The following TUBD1 variants were observed in gnomAD, a reference collection of about 807,000 sequenced individuals.
TUBD1 encodes tubulin delta 1.
In TUBD1, 38 loss-of-function variants were observed where a neutral mutation model predicts 51.2. The ratio of observed to expected loss-of-function variants is 0.74; its 90% confidence interval spans 0.57 to 0.97. TUBD1 has a LOEUF of 0.97. Ranked by LOEUF, TUBD1 falls within the 50% of genes least tolerant of loss-of-function variation. The pLI is 0.00. For synonymous variants in TUBD1, 169 were observed against 178.2 expected, an observed-to-expected ratio of 0.95 and a Z score of 0.41; for missense variants, 489 against 538.4, an observed-to-expected ratio of 0.91 and a Z score of 0.91.
At chr17:59,886,302 A>AT in intron 2 of TUBD1, 72 bp from the exon 3 acceptor site, 1 of 1,407,060 alleles carries the variant, frequency 7.1e-7, no homozygotes, top group Non-Finnish European at 9.5e-7. Context: ...GGTAACTCAG[A>AT]GCATCTAAGT....
intron 6 of TUBD1, among the ~76,000 whole-genome samples, chr17:59,873,912 G>A (rs1168097019): frequency 4.6e-5 from 7 of 151,210 alleles, no homozygotes; most frequent in East Asian, 2.0e-4. Context: ...ATAATTGGCC[G>A]GGCACGGTGG....
At chr17:59,875,721 G>A (rs1299514) in intron 5 of TUBD1, among the ~76,000 whole-genome samples, 28,623 of 151,038 alleles carry the variant, frequency 0.19, 2,907 homozygotes, top group East Asian at 0.38. Flanking sequence ...ACTCCAGCCT[G>A]GGCGACAAAG....
intron 2 of TUBD1, among the ~76,000 whole-genome samples, chr17:59,889,990 G>C (rs936400441): frequency 8.8e-5 from 13 of 147,534 alleles, no homozygotes; most frequent in African/African-American, 3.0e-4. Context: ...AAAAAAAAGA[G>C]AGACAGAGAA....
At chr17:59,864,156 A>G (rs2039592082) in intron 7 of TUBD1, among the ~76,000 whole-genome samples, 1 of 150,752 alleles carries the variant, frequency 6.6e-6, no homozygotes, top group African/African-American at 2.5e-5. Context: ...AATTATTACT[A>G]ATTTTTTTTT....
rs1293455931 is a variant in TUBD1 at position 59,888,607 on chromosome 17, C to T, written c.172+2224G>A. On this transcript the variant is annotated intron_variant, in intron 2 of 8. Transcript: ENST00000325752. Reference sequence around the variant, plus strand: ...TCACAGGTGTAATAAATGTAGCAAACTATGACAGTGAAGTTGCCCAGAGAG... The same window carrying T: ...TCACAGGTGTAATAAATGTAGCAAATTATGACAGTGAAGTTGCCCAGAGAG... Among the ~76,000 whole-genome samples the T allele has an allele frequency of 2.0e-5, 3 of 152,082 alleles. No homozygotes were observed. In the East Asian group the frequency reaches 5.8e-4, roughly 29 times the overall value.
At chr17:59,879,223 G>A (rs1320037111) in intron 4 of TUBD1, among the ~76,000 whole-genome samples, 1 of 146,940 alleles carries the variant, frequency 6.8e-6, no homozygotes, top group East Asian at 2.0e-4. Flanking sequence ...AGCCAAGATC[G>A]TGCCATTGCA....
intron 5 of TUBD1, among the ~76,000 whole-genome samples, chr17:59,875,587 C>G (rs1280731094): frequency 1.3e-5 from 2 of 151,562 alleles, no homozygotes; most frequent in South Asian, 2.1e-4. Flanking sequence ...AATAGAAACA[C>G]TGTTTCTATT....
At chr17:59,875,564 T>C (rs2040188408) in intron 5 of TUBD1, among the ~76,000 whole-genome samples, 1 of 151,270 alleles carries the variant, frequency 6.6e-6, no homozygotes, top group South Asian at 2.1e-4. Context: ...CTGGCCAACA[T>C]GGTCTTGGTC....
At chr17:59,891,078 ATTACT>A in intron 1 of TUBD1, 37 bp from the exon 2 acceptor site, 2 of 1,091,540 alleles carry the variant, frequency 1.8e-6, no homozygotes, top group Non-Finnish European at 2.7e-6. Context: ...GAACCACTAC[ATTACT>A]AATAAGAACA....
chr17:59,880,907 T>C lies in TUBD1; in HGVS notation c.524A>G (p.Tyr175Cys), dbSNP rs2040455155. 3 of 1,613,922 alleles carry C rather than the reference T, an allele frequency of 1.9e-6. No homozygotes were observed. In the African/African-American group the frequency reaches 4.0e-5, roughly 22 times the overall value. ...SLKMNQIIWP[Y>C]GTGEVIVQNY... ...ACATGTCCATACCTCACCAGTTCCA[T>C]AAGGCCAAATAATCTGATTCATTTT... Residue 175 changes from tyrosine (Y) to cysteine (C), a missense_variant, in exon 4 of 9, where the codon TAT (tyrosine) becomes TGT (cysteine). Physicochemically the swap from Tyr to Cys is radical, Grantham distance 194. Coordinates refer to ENST00000325752, the MANE Select transcript of TUBD1 (RefSeq NM_016261.4).
chr17:59,885,418 T>C (rs938272756), intron 3 of TUBD1: 50 of 1,206,510 alleles, frequency 4.1e-5, no homozygotes, highest in Non-Finnish European at 5.0e-5. Context: ...TCTCATGATA[T>C]TCATGTTCTG....
Position 59,863,657 on chromosome 17 carries a change from T to C in TUBD1, c.1259+7A>G, listed in dbSNP as rs1179387507. 1.3e-6 allele frequency: 2 copies of C among 1,535,688 alleles called. No homozygotes were observed. Among genetic ancestry groups the C allele is most frequent in the Non-Finnish European group, 1.7e-6 (2 of 1,147,582 alleles). On this transcript the variant is annotated splice_region_variant and intron_variant, in intron 8 of 8. Coordinates refer to ENST00000325752, the MANE Select transcript of TUBD1 (RefSeq NM_016261.4). ...AAGAAAGGTTTGTAGACTTATTTTA[T>C]ACTTACTTTGAAGCAAACATATTCC...
chr17:59,875,691 C>CA (rs1361905027), intron 5 of TUBD1, among the ~76,000 whole-genome samples: 6 of 150,056 alleles, frequency 4.0e-5, no homozygotes, highest in African/African-American at 1.5e-4. Context: ...ACCCGGCAGA[C>CA]AGAGGTTGCA....
intron 4 of TUBD1, among the ~76,000 whole-genome samples, chr17:59,879,403 T>C (rs1165630872): frequency 6.6e-6 from 1 of 152,168 alleles, no homozygotes; most frequent in African/African-American, 2.4e-5. Context: ...AGAGACATTC[T>C]CAGCAATCAG....
In TUBD1 at chr17:59,866,639, G is replaced by C; in HGVS notation, c.1045C>G (p.Arg349Gly). 6.2e-7 allele frequency: 1 copy of C among 1,613,718 alleles called. No homozygotes were observed. The highest frequency in any genetic ancestry group is 8.5e-7 in the Non-Finnish European group (1 of 1,179,950). The part of the protein sequence containing the change: ...NTSIANLVIL[R>G]GKDVQSADVE... ...TCTGCACTTTGCACATCTTTCCCAC[G>C]AAGAATGACCAAGTTAGCAATGGAA... The change falls in exon 7 of 9, where the codon CGT (arginine) becomes GGT (glycine). Residue 349 changes from arginine (R) to glycine (G), a missense_variant. Transcript: ENST00000325752.
intron 8 of TUBD1, among the ~76,000 whole-genome samples, chr17:59,862,005 G>T (rs989278549): frequency 1.4e-4 from 21 of 151,348 alleles, no homozygotes; most frequent in African/African-American, 4.8e-4. Flanking sequence ...CAGGATGGCT[G>T]GGCCCTGGGG....
chr17:59,878,715 A>C (rs2040341275), intron 4 of TUBD1: 1 of 195,400 alleles, frequency 5.1e-6, no homozygotes, highest in South Asian at 9.0e-5. Flanking sequence ...CCTGGCCTCA[A>C]GTGATCCACC....
intron 4 of TUBD1, among the ~76,000 whole-genome samples, chr17:59,880,616 G>A (rs2040440550): frequency 6.6e-6 from 1 of 151,996 alleles, no homozygotes; most frequent in African/African-American, 2.4e-5. Flanking sequence ...ATGGGTTCAC[G>A]CTATACTCCT....
intron 8 of TUBD1, among the ~76,000 whole-genome samples, chr17:59,861,428 G>A (rs1049651844): frequency 2.7e-5 from 4 of 150,592 alleles, no homozygotes; most frequent in Non-Finnish European, 5.9e-5. Context: ...TGAATTCCTG[G>A]CCTCAAGTGA....
Sources: gnomAD v4.1 joint callset for allele counts (sites outside exome capture counted in the v4.1 genomes callset) on GRCh38, gnomAD v4.1.1 for gene constraint, MANE v1.5 for transcripts, NCBI Gene and HGNC (gene_info 2026-07-23, HGNC 2026-07-21) for gene names.